DCDC1: variants seen among roughly 807,000 people sequenced by gnomAD.
DCDC1 encodes doublecortin domain containing 1.
Under a neutral mutation model 178.3 loss-of-function variants are expected in DCDC1, and 200 were observed. The observed-to-expected ratio is 1.12, with a 90% CI of 1.00 to 1.26. The LOEUF (loss-of-function observed/expected upper bound fraction) is 1.26. DCDC1 is among the 50% of genes most tolerant of loss of function. The pLI is 0.00. For synonymous variants in DCDC1, 690 were observed against 604.8 expected (o/e 1.14, Z -2.07); for missense variants, 1,983 against 1,749.2 (o/e 1.13, Z -2.38).
intron 22 of DCDC1, among the ~76,000 whole-genome samples, chr11:30,927,849 A>G (rs1260322935): frequency 6.6e-6 from 1 of 152,148 alleles, no homozygotes; most frequent in Non-Finnish European, 1.5e-5. Context: ...ATTCCCTCAT[A>G]TTTGACAAGG....
rs546298200 is a variant in DCDC1, at chr11:30,952,622, TAA to T, written c.2592-56_2592-55del. The T allele has an allele frequency of 1.2e-3, 880 of 725,142 alleles. 2 individuals are homozygous for T. The African/African-American group carries it at 0.014, about 11-fold the overall frequency. 44.9% of individuals were successfully genotyped at this position (725,142 alleles called of 1,614,324 possible). A position where few individuals can be genotyped will look rare whatever the true frequency, so the allele number is the denominator to read the frequency against. On this transcript the variant is annotated intron_variant, in intron 20 of 38. Transcript: ENST00000684477. ...AATTTAGCAAGGTTAAATATCACTTTAAAATATTCATTTTATTCATTGAGTAC... is the reference window on the plus strand; with the variant it reads ...AATTTAGCAAGGTTAAATATCACTTTAATATTCATTTTATTCATTGAGTAC...
At chr11:30,963,887 C>A (rs1430792144) in intron 20 of DCDC1, among the ~76,000 whole-genome samples, 1 of 152,086 alleles carries the variant, frequency 6.6e-6, no homozygotes. Context: ...GCTTTTTCTG[C>A]TATCTACTTC....
intron 20 of DCDC1, among the ~76,000 whole-genome samples, chr11:31,056,087 C>A (rs762832598): frequency 3.3e-5 from 5 of 152,012 alleles, no homozygotes; most frequent in Admixed American, 6.6e-5. Context: ...TTAAGAGTTC[C>A]AAGGTTCTTG....
chr11:31,307,071 C>G (rs1948509863), intron 4 of DCDC1, among the ~76,000 whole-genome samples: 1 of 152,116 alleles, frequency 6.6e-6, no homozygotes, highest in Non-Finnish European at 1.5e-5. Context: ...TGTAATGCCA[C>G]AGAAGAAGAG....
chr11:30,967,069 T>C (rs1440926085), intron 20 of DCDC1, among the ~76,000 whole-genome samples: 2 of 23,970 alleles, frequency 8.3e-5, no homozygotes, highest in Admixed American at 4.6e-4. Flanking sequence ...TGGCTTAGGA[T>C]TGACTTGGCG....
chr11:31,247,021 G>A (rs890558186), intron 8 of DCDC1, among the ~76,000 whole-genome samples: 4 of 151,918 alleles, frequency 2.6e-5, no homozygotes, highest in Admixed American at 2.6e-4. Context: ...TTGCCTGTGG[G>A]GTCTACAGTG....
chr11:30,977,449 A>T (rs1950164168), intron 20 of DCDC1, among the ~76,000 whole-genome samples: 1 of 152,240 alleles, frequency 6.6e-6, no homozygotes, highest in Admixed American at 6.5e-5. Context: ...ATAAATATGT[A>T]CAAATATTAC....
intron 9 of DCDC1, among the ~76,000 whole-genome samples, chr11:31,167,564 A>G (rs927099897): frequency 6.6e-6 from 1 of 152,170 alleles, no homozygotes; most frequent in African/African-American, 2.4e-5. Flanking sequence ...TTGCTTTTTA[A>G]ATGGTCTTTC....
chr11:31,048,520 A>C (rs1565219691), intron 20 of DCDC1, among the ~76,000 whole-genome samples: 1 of 152,210 alleles, frequency 6.6e-6, no homozygotes, highest in Non-Finnish European at 1.5e-5. Context: ...TGGTCAAAAA[A>C]GAATGGACTC....
intron 8 of DCDC1, among the ~76,000 whole-genome samples, chr11:31,254,730 G>A (rs1191201842): frequency 2.0e-5 from 3 of 152,100 alleles, no homozygotes; most frequent in Non-Finnish European, 2.9e-5. Flanking sequence ...GGGTGACCTT[G>A]GCTGGAACAA....
intron 20 of DCDC1, among the ~76,000 whole-genome samples, chr11:31,063,147 T>G (rs1328363786): frequency 1.3e-5 from 2 of 151,914 alleles, no homozygotes; most frequent in East Asian, 1.9e-4. Flanking sequence ...AAAACCACAA[T>G]GAGATACCAT....
intron 9 of DCDC1, among the ~76,000 whole-genome samples, chr11:31,214,223 A>G (rs1973241035): frequency 6.6e-6 from 1 of 152,210 alleles, no homozygotes; most frequent in Non-Finnish European, 1.5e-5. Flanking sequence ...GTGTGCATAT[A>G]TAATCTCCCA....
intron 9 of DCDC1, among the ~76,000 whole-genome samples, chr11:31,238,734 G>A (rs1177919864): frequency 1.3e-5 from 2 of 152,110 alleles, no homozygotes; most frequent in Non-Finnish European, 2.9e-5. Context: ...AATAGATTCT[G>A]CTTAGCTCCA....
chr11:31,162,767 T>C (rs1472453909), intron 9 of DCDC1, among the ~76,000 whole-genome samples: 2 of 152,164 alleles, frequency 1.3e-5, no homozygotes, highest in Non-Finnish European at 2.9e-5. Flanking sequence ...GATATCATTC[T>C]ACAAAACAAC....
intron 20 of DCDC1, among the ~76,000 whole-genome samples, chr11:30,994,435 G>A (rs1361124357): frequency 1.3e-5 from 2 of 151,246 alleles, no homozygotes; most frequent in Non-Finnish European, 2.9e-5. Context: ...GAAACTACAG[G>A]TACCCACGAC....
rs541513131 is a variant in DCDC1 at position 31,221,228 on chromosome 11, A to G, written c.1221+20222T>C. On this transcript the variant is annotated intron_variant, in intron 9 of 38. Coordinates refer to ENST00000684477, the MANE Select transcript of DCDC1 (RefSeq NM_001387274.1). Reference sequence around the variant, plus strand: ...AGAGTCTCAAGTAAATATCATCTAAATCAGATATGGGTCAGACCCAAGGTA... The same window carrying G: ...AGAGTCTCAAGTAAATATCATCTAAGTCAGATATGGGTCAGACCCAAGGTA... Among the ~76,000 whole-genome samples the G allele has an allele frequency of 2.2e-4, 33 of 152,322 alleles. No homozygotes were observed. The South Asian group carries it at 2.5e-3, about 11-fold the overall frequency.
rs534660033 is a variant in DCDC1 at position 31,143,493 on chromosome 11, T to C, written c.1222-5709A>G. The stretch of plus-strand genomic sequence containing the variant: ...TGATTCATACTGGGAAGCAAAGGGC[T>C]AGATGGTTACTGTGAATCCATACTT... On this transcript the variant is annotated intron_variant, in intron 9 of 38. Transcript: ENST00000684477. Among the ~76,000 whole-genome samples, 4 of 152,232 alleles carry C rather than the reference T, an allele frequency of 2.6e-5. No homozygotes were observed. In the South Asian group the frequency reaches 8.3e-4, roughly 32 times the overall value.
At chr11:31,364,234 C>T (rs1564935268) in intron 1 of DCDC1, among the ~76,000 whole-genome samples, 1 of 152,116 alleles carries the variant, frequency 6.6e-6, no homozygotes, top group Non-Finnish European at 1.5e-5. Context: ...GAGATAATCC[C>T]ATCACATGTC....
At chr11:31,060,152 T>G (rs751600928) in intron 20 of DCDC1, among the ~76,000 whole-genome samples, 1 of 152,098 alleles carries the variant, frequency 6.6e-6, no homozygotes, top group Non-Finnish European at 1.5e-5. Context: ...TGAATTTATA[T>G]TCTCCTAAAA....
Sources: allele counts gnomAD v4.1 joint callset (sites outside exome capture counted in the v4.1 genomes callset), GRCh38; gene constraint gnomAD v4.1.1; transcripts MANE v1.5; gene names NCBI Gene and HGNC (gene_info 2026-07-23, HGNC 2026-07-21).